Variants in FOXO1 observed in about 807,000 individuals in gnomAD.
FOXO1 encodes forkhead box O1.
In FOXO1, 6 loss-of-function variants were observed where a neutral mutation model predicts 44.1. That is an observed-to-expected ratio of 0.14 (90% CI 0.07 to 0.27). The LOEUF is 0.27. FOXO1 is among the 10% of genes least tolerant of loss of function. The pLI is 1.00. For synonymous variants in FOXO1, 380 were observed against 362.7 expected (o/e 1.05, Z -0.54); for missense variants, 737 against 888.8 (o/e 0.83, Z 2.17).
intron 1 of FOXO1, among the ~76,000 whole-genome samples, chr13:40,629,143 AC>A (rs1876880072): frequency 6.9e-6 from 1 of 144,422 alleles, no homozygotes; most frequent in Admixed American, 6.9e-5. Context: ...AAACAACATG[AC>A]TTTTTTTTTT....
At chr13:40,608,955 G>A (rs1159252824) in intron 1 of FOXO1, among the ~76,000 whole-genome samples, 1 of 152,130 alleles carries the variant, frequency 6.6e-6, no homozygotes, top group African/African-American at 2.4e-5. Context: ...AGGTACTAAA[G>A]ATTTTTAAAA....
At chr13:40,561,702 T>G (rs1874027040) in intron 1 of FOXO1, among the ~76,000 whole-genome samples, 1 of 151,990 alleles carries the variant, frequency 6.6e-6, no homozygotes, top group South Asian at 2.1e-4. Flanking sequence ...GGCATGGTGG[T>G]TCACACCTAT....
At chr13:40,624,317 TAAAAAAAAAAA>T (rs10552634) in intron 1 of FOXO1, among the ~76,000 whole-genome samples, 1 of 100,952 alleles carries the variant, frequency 9.9e-6, no homozygotes, top group Non-Finnish European at 2.1e-5. Context: ...TAATACTGCT[TAAAAAAAAAAA>T]AAAAAAAAAA....
intron 1 of FOXO1, among the ~76,000 whole-genome samples, chr13:40,570,180 C>A (rs769863644): frequency 6.6e-6 from 1 of 151,810 alleles, no homozygotes; most frequent in Non-Finnish European, 1.5e-5. Flanking sequence ...TGTGGTGGCA[C>A]GTGCCTGTAA....
chr13:40,620,308 C>A, intron 1 of FOXO1: 1 of 915,428 alleles, frequency 1.1e-6, no homozygotes, highest in Non-Finnish European at 1.8e-6. Context: ...GTAGGGCTAA[C>A]AGAACATACA....
intron 1 of FOXO1, among the ~76,000 whole-genome samples, chr13:40,624,310 T>C (rs1159325368): frequency 2.5e-5 from 2 of 80,504 alleles, no homozygotes; most frequent in Non-Finnish European, 4.8e-5. Context: ...TAAAAACTAA[T>C]ACTGCTTAAA....
At chr13:40,562,860 G>C (rs1413611826) in intron 1 of FOXO1, 1 of 152,592 alleles carries the variant, frequency 6.6e-6, no homozygotes, top group Non-Finnish European at 1.5e-5. Flanking sequence ...AAGGAGACGA[G>C]GGAAACGCTG....
At chr13:40,567,793 C>A (rs138462400) in intron 1 of FOXO1, among the ~76,000 whole-genome samples, 186 of 152,076 alleles carry the variant, frequency 1.2e-3, no homozygotes, top group African/African-American at 4.2e-3. Flanking sequence ...TATGGTGAAA[C>A]CCCATCTCTA....
chr13:40,571,399 G>T (rs1696580730), intron 1 of FOXO1, among the ~76,000 whole-genome samples: 1 of 152,156 alleles, frequency 6.6e-6, no homozygotes, highest in East Asian at 1.9e-4. Flanking sequence ...AAAGAGATCT[G>T]TAGGCTACCA....
At position 40,639,672 on chromosome 13, in the gene FOXO1, G is replaced by T. The variant is rs529446418; in HGVS notation, c.630+25911C>A. Among the ~76,000 whole-genome samples the T allele has an allele frequency of 3.9e-5, 6 of 152,342 alleles. No individual in the cohort carries two copies. The East Asian group carries it at 7.7e-4, about 20-fold the overall frequency. On this transcript the variant is annotated intron_variant, in intron 1 of 2. Coordinates refer to ENST00000379561, the MANE Select transcript of FOXO1 (RefSeq NM_002015.4). ...TTGCACGGTGTTTAGCAGCACCCCT[G>T]ATCTCTAATCACTAGATGCCAGTAG...
intron 1 of FOXO1, among the ~76,000 whole-genome samples, chr13:40,648,495 C>T (rs558643276): frequency 6.6e-6 from 1 of 152,320 alleles, no homozygotes; most frequent in Admixed American, 6.5e-5. Context: ...TTATTGTGCA[C>T]TATTTTCATA....
At chr13:40,645,734 A>G (rs1211241255) in intron 1 of FOXO1, among the ~76,000 whole-genome samples, 3 of 152,222 alleles carry the variant, frequency 2.0e-5, no homozygotes, top group African/African-American at 7.2e-5. Flanking sequence ...GGGAGTAGGA[A>G]GTGATCAAAA....
chr13:40,614,911 T>A (rs908210888), intron 1 of FOXO1, among the ~76,000 whole-genome samples: 6 of 152,174 alleles, frequency 3.9e-5, no homozygotes, highest in African/African-American at 1.4e-4. Context: ...TTGAAAACCA[T>A]GCTGAAGTAG....
intron 1 of FOXO1, 103 bp downstream of exon 1, chr13:40,665,477 CGCT>C (rs1878199395): frequency 6.8e-6 from 7 of 1,022,656 alleles, no homozygotes; most frequent in Non-Finnish European, 8.9e-6. Context: ...CCTGGGAACG[CGCT>C]GCCCTCCTGC....
At chr13:40,595,574 G>A (rs937116887) in intron 1 of FOXO1, among the ~76,000 whole-genome samples, 1 of 152,102 alleles carries the variant, frequency 6.6e-6, no homozygotes, top group Non-Finnish European at 1.5e-5. Flanking sequence ...GTAAAACGGG[G>A]CAGGGGTGGT....
intron 1 of FOXO1, among the ~76,000 whole-genome samples, chr13:40,655,193 A>G (rs997950063): frequency 1.3e-5 from 2 of 151,806 alleles, no homozygotes; most frequent in Non-Finnish European, 2.9e-5. Flanking sequence ...AAAATTAGCT[A>G]GGTGTGGTGG....
At chr13:40,567,749 C>G (rs2701860) in intron 1 of FOXO1, among the ~76,000 whole-genome samples, 33,820 of 151,990 alleles carry the variant, frequency 0.22, 5,671 homozygotes, top group East Asian at 0.64. Context: ...GAGGGCAGAT[C>G]ACAAGATCAG....
At chr13:40,628,390 C>CACACA (rs201043730) in intron 1 of FOXO1, among the ~76,000 whole-genome samples, 3 of 150,856 alleles carry the variant, frequency 2.0e-5, no homozygotes, top group African/African-American at 2.4e-5. Context: ...CACACACACA[C>CACACA]CCCGTGAGGG....
chr13:40,596,205 G>A (rs1310276017), intron 1 of FOXO1, among the ~76,000 whole-genome samples: 1 of 152,070 alleles, frequency 6.6e-6, no homozygotes, highest in African/African-American at 2.4e-5. Flanking sequence ...TCATGAAAAG[G>A]AAATTAAACC....
Sources: gnomAD v4.1 joint callset for allele counts (sites outside exome capture counted in the v4.1 genomes callset) on GRCh38, gnomAD v4.1.1 for gene constraint, MANE v1.5 for transcripts, NCBI Gene and HGNC (gene_info 2026-07-23, HGNC 2026-07-21) for gene names.